Variants in HPX observed in about 807,000 individuals in gnomAD.
HPX encodes the protein hemopexin.
Under a neutral mutation model 53.8 loss-of-function variants are expected in HPX, and 42 were observed. The ratio of observed to expected loss-of-function variants is 0.78; its 90% CI spans 0.61 to 1.01. The LOEUF (loss-of-function observed/expected upper bound fraction) is 1.01, where lower values mean the gene tolerates loss of function less well. Ranked by LOEUF, HPX falls within the 50% of genes least tolerant of loss-of-function variation. The pLI is 0.00. For missense variants in HPX, 547 were observed against 594.3 expected, an observed-to-expected ratio of 0.92 and a Z score of 0.83; for synonymous variants, 229 against 221.1, an observed-to-expected ratio of 1.04 and a Z score of -0.32.
intron 7 of HPX, 188 bp from the exon 8 acceptor site, chr11:6,432,205 G>T: frequency 1.6e-6 from 1 of 638,430 alleles, no homozygotes; most frequent in Non-Finnish European, 2.7e-6. Flanking sequence ...TGCCCTGGCT[G>T]AAACTGGAAT....
Position 6,440,956 on chromosome 11 carries a change from C to A in HPX, c.8G>T (p.Arg3Met). ...CAGTGCAACGGGTGCTCCCAGTACC[C>A]TAGCCATGCTGAGCTGCAGAGGCCA... MARVLGAPVALGL... is the reference protein window; with the variant it reads MAMVLGAPVALGL... Residue 3 changes from arginine to methionine, a missense_variant, in exon 1 of 10, where the codon AGG becomes ATG. By Grantham distance (91) the Arg-to-Met change is moderately conservative. Transcript: ENST00000265983. The A allele has an allele frequency of 6.2e-7, 1 of 1,603,658 alleles. No individual in the cohort carries two copies. Among genetic ancestry groups the A allele is most frequent in the East Asian group, 2.2e-5 (1 of 44,474 alleles).
At chr11:6,436,420 C>T (rs1163842274) in intron 7 of HPX, among the ~76,000 whole-genome samples, 4 of 152,160 alleles carry the variant, frequency 2.6e-5, no homozygotes, top group Admixed American at 6.5e-5. Context: ...TATTAGATGG[C>T]TTTTACCAAT....
chr11:6,439,481 G>A (rs1849457995), intron 4 of HPX: 1 of 152,638 alleles, frequency 6.6e-6, no homozygotes, highest in Non-Finnish European at 1.5e-5. Context: ...CTGGAGCTCA[G>A]AAAGTAGATC....
intron 7 of HPX, chr11:6,432,439 G>C (rs145159676): frequency 1.2e-5 from 2 of 164,908 alleles, no homozygotes; most frequent in East Asian, 1.7e-4. Context: ...CCTATGAGGT[G>C]GTGGAAGAGT....
At chr11:6,436,913 G>C in intron 7 of HPX, 133 bp downstream of exon 7, 1 of 946,804 alleles carries the variant, frequency 1.1e-6, no homozygotes, top group Non-Finnish European at 1.6e-6. Flanking sequence ...ATGCAGAAGG[G>C]CATGCAGAAG....
chr11:6,431,478 G>C lies in HPX; in HGVS notation c.1130-8C>G, dbSNP rs1298038279. 5.0e-6 allele frequency: 8 copies of C among 1,613,980 alleles called. No individual in the cohort carries two copies. Among genetic ancestry groups the C allele is most frequent in the Non-Finnish European group, 6.8e-6 (8 of 1,179,988 alleles). On this transcript the variant is annotated splice_polypyrimidine_tract_variant and splice_region_variant and intron_variant, in intron 9 of 9. Coordinates refer to ENST00000265983, the MANE Select transcript of HPX (RefSeq NM_000613.3). ...GCCACCACAGCCGCCGTCCTGGGGA[G>C]AAGGCACCAAACATAGCATGGCTTC...
chr11:6,437,736 A>G (rs2134136703), intron 5 of HPX, 84 bp from the exon 6 acceptor site: 1 of 1,007,328 alleles, frequency 9.9e-7, no homozygotes, highest in Non-Finnish European at 1.5e-6. Flanking sequence ...GATGGGCCAG[A>G]TAATGGTACT....
chr11:6,438,212 A>C (rs964910622), intron 5 of HPX, 144 bp downstream of exon 5: 12 of 792,258 alleles, frequency 1.5e-5, no homozygotes, highest in Non-Finnish European at 2.5e-5. Context: ...TGACCTCTAG[A>C]CCATACGTGG....
intron 7 of HPX, 115 bp from the exon 8 acceptor site, chr11:6,432,132 G>A (rs1340372059): frequency 1.5e-5 from 17 of 1,143,410 alleles, no homozygotes; most frequent in African/African-American, 4.6e-5. Flanking sequence ...CAGAGGCCAA[G>A]ATGGAAGAGG....
rs1194593802 is a variant in HPX at position 6,437,772 on chromosome 11, G to C, written c.491-120C>G. The C allele has an allele frequency of 6.0e-5, 44 of 727,852 alleles. No homozygotes were observed. The South Asian group carries it at 6.8e-4, about 11-fold the overall frequency. 45.1% of individuals were successfully genotyped at this position (727,852 alleles called of 1,614,324 possible). ...GACCACATGGAGCTCACAGCCATCA[G>C]AGAGATGGCTAAAGGAGGGTGATCA... is the stretch of plus-strand genomic sequence containing the variant. On this transcript the variant is annotated intron_variant, in intron 5 of 9. Coordinates refer to ENST00000265983, the MANE Select transcript of HPX (RefSeq NM_000613.3).
Position 6,432,089 on chromosome 11 carries a change from C to A in HPX, c.836-72G>T. On this transcript the variant is annotated intron_variant, in intron 7 of 9. Transcript: ENST00000265983. The stretch of plus-strand genomic sequence containing the variant: ...GCAGAGAAGAGGCTAGTGATGAATG[C>A]AGAAATGAGTCATGAGAGGGAGAGA... 3.2e-6 allele frequency: 5 copies of A among 1,560,330 alleles called. 1 individual carries two copies. Among genetic ancestry groups the A allele is most frequent in the Non-Finnish European group, 3.5e-6 (4 of 1,138,566 alleles).
In HPX at chr11:6,431,404, G is replaced by C. The variant is rs776294414; in HGVS notation, c.1196C>G (p.Pro399Arg). 6.2e-7 allele frequency: 1 copy of C among 1,614,242 alleles called. No homozygotes were observed. The highest frequency in any genetic ancestry group is 8.5e-7 in the Non-Finnish European group (1 of 1,180,038). The part of the protein sequence containing the change: ...AQATWTELPW[P>R]HEKVDGALCM... ...CAAGGCTCCGTCTACCTTCTCATGG[G>C]GCCAAGGAAGCTCTGTCCACGTGGC... Residue 399 changes from proline to arginine, a missense_variant, in exon 10 of 10, where the codon CCC becomes CGC. Coordinates refer to ENST00000265983, the MANE Select transcript of HPX (RefSeq NM_000613.3).
At position 6,431,984 on chromosome 11, in the gene HPX, T is replaced by G; in HGVS notation, c.869A>C (p.Asp290Ala). 6.2e-7 allele frequency: 1 copy of G among 1,614,140 alleles called. No individual in the cohort carries two copies. The highest frequency in any genetic ancestry group is 8.5e-7 in the Non-Finnish European group (1 of 1,180,010). The change falls in exon 8 of 10, where the codon GAT becomes GCT. Residue 290 changes from aspartate to alanine, a missense_variant. Asp to Ala is a moderately radical substitution (Grantham distance 126, BLOSUM62 -2). Transcript: ENST00000265983. ...AGCAATGGGCCAGCTATGCCAGCCA[T>G]CCCGGCTGGTGTCCAGACGCCAGTA... ...THYWRLDTSR[D>A]GWHSWPIAHQ...
Position 6,431,422 on chromosome 11 carries a change from C to A in HPX, c.1178G>T (p.Trp393Leu). Residue 393 changes from tryptophan (W) to leucine (L), a missense_variant, in exon 10 of 10, where the codon TGG (tryptophan) becomes TTG (leucine). Physicochemically the swap from Trp to Leu is moderately conservative, Grantham distance 61 (BLOSUM62 -2). Transcript: ENST00000265983. ...CTCATGGGGCCAAGGAAGCTCTGTC[C>A]ACGTGGCTTGGGCTCCTGACTTCAG... ...LDLKSGAQAT[W>L]TELPWPHEKV... The A allele has an allele frequency of 6.2e-7, 1 of 1,614,260 alleles. No individual in the cohort carries two copies. Among genetic ancestry groups the A allele is most frequent in the Non-Finnish European group, 8.5e-7 (1 of 1,180,052 alleles).
chr11:6,431,150 T>C lies in HPX; in HGVS notation c.*61A>G. 1 of 1,593,710 alleles carries C rather than the reference T, an allele frequency of 6.3e-7. No individual in the cohort carries two copies. The highest frequency in any genetic ancestry group is 8.6e-7 in the Non-Finnish European group (1 of 1,166,422). On this transcript the variant is annotated 3_prime_UTR_variant, in exon 10 of 10. Coordinates refer to ENST00000265983, the MANE Select transcript of HPX (RefSeq NM_000613.3). Reference sequence around the variant, plus strand: ...CCCTCAGTGAGAAGCGAAGAAGCAATCTGTCTTTATTATGAGGAACTAGGA... The same window carrying C: ...CCCTCAGTGAGAAGCGAAGAAGCAACCTGTCTTTATTATGAGGAACTAGGA...
intron 7 of HPX, among the ~76,000 whole-genome samples, chr11:6,435,662 G>C (rs972994102): frequency 6.6e-6 from 1 of 152,074 alleles, no homozygotes; most frequent in African/African-American, 2.4e-5. Flanking sequence ...GCCCAGGCTG[G>C]TCTCAAACTC....
At position 6,440,916 on chromosome 11, in the gene HPX, T is replaced by A; in HGVS notation, c.48A>T (p.Leu16=). ...GAPVALGLWS[L]CWSLAIATPL... ...GGGTGGCAATGGCCAGAGACCAGCA[T>A]AGGCTCCACAACCCCAGTGCAACGG... Residue 16 remains leucine, a synonymous_variant, in exon 1 of 10, where the codon CTA becomes CTT. Coordinates refer to ENST00000265983, the MANE Select transcript of HPX (RefSeq NM_000613.3). 1 of 1,612,706 alleles carries A rather than the reference T, an allele frequency of 6.2e-7. No homozygotes were observed. The highest frequency in any genetic ancestry group is 8.5e-7 in the Non-Finnish European group (1 of 1,179,400).
At position 6,440,221 on chromosome 11, in the gene HPX, G is replaced by C. The variant is rs1272874549; in HGVS notation, c.280C>G (p.Pro94Ala). The C allele has an allele frequency of 6.2e-7, 1 of 1,613,908 alleles. No homozygotes were observed. Among genetic ancestry groups the C allele is most frequent in the Non-Finnish European group, 8.5e-7 (1 of 1,180,018 alleles). ...CGGAATGCAGCATCCACAGGGCTGG[G>C]GAAATTCTTCCATCTCTCTGAGATT... ...ELISERWKNF[P>A]SPVDAAFRQG... is the part of the protein sequence containing the mutation. Residue 94 changes from proline to alanine, a missense_variant, in exon 4 of 10, where the codon CCC becomes GCC. Physicochemically the swap from Pro to Ala is conservative, Grantham distance 27. Transcript: ENST00000265983.
chr11:6,435,455 T>G lies in HPX; in HGVS notation c.835+1591A>C, dbSNP rs571539521. Among the ~76,000 whole-genome samples the G allele has an allele frequency of 3.3e-5, 5 of 152,060 alleles. No individual in the cohort carries two copies. In the East Asian group the frequency reaches 9.7e-4, roughly 30 times the overall value. On this transcript the variant is annotated intron_variant, in intron 7 of 9. Coordinates refer to ENST00000265983, the MANE Select transcript of HPX (RefSeq NM_000613.3). ...GGGTTTTTTGTTTGTTTGTTTGTTTTGTTTTGTTTTTTGTTTTTGTTTTTT... is the reference window on the plus strand; with the variant it reads ...GGGTTTTTTGTTTGTTTGTTTGTTTGGTTTTGTTTTTTGTTTTTGTTTTTT...
Sources: allele counts gnomAD v4.1 joint callset (sites outside exome capture counted in the v4.1 genomes callset), GRCh38; gene constraint gnomAD v4.1.1; transcripts MANE v1.5; gene names NCBI Gene and HGNC (gene_info 2026-07-23, HGNC 2026-07-21).